The following TMEM108 variants were observed in gnomAD, a reference collection of about 807,000 sequenced individuals.
TMEM108 encodes cancer/testis antigen 124.
TMEM108 carries 12 observed loss-of-function variants against 35.1 expected under a neutral mutation model. The observed-to-expected ratio is 0.34, with a 90% CI of 0.22 to 0.55. The LOEUF (loss-of-function observed/expected upper bound fraction) is 0.55, where lower values mean the gene tolerates loss of function less well. TMEM108 is among the 20% of genes least tolerant of loss of function. The pLI is 0.89. For synonymous variants in TMEM108, 287 were observed against 308.6 expected (o/e 0.93, Z 0.73); for missense variants, 680 against 753.3 (o/e 0.90, Z 1.14).
intron 2 of TMEM108, among the ~76,000 whole-genome samples, chr3:133,163,586 G>A (rs903500528): frequency 2.0e-5 from 3 of 152,142 alleles, no homozygotes; most frequent in African/African-American, 7.2e-5. Flanking sequence ...ACTGTGCCTT[G>A]GAGACAGTTA....
At chr3:133,382,929 G>A (rs1345800262) in intron 4 of TMEM108, among the ~76,000 whole-genome samples, 1 of 152,036 alleles carries the variant, frequency 6.6e-6, no homozygotes, top group Non-Finnish European at 1.5e-5. Context: ...TCTGCTGAAG[G>A]ACCCAATTCA....
At chr3:133,169,003 C>T (rs1559854703) in intron 2 of TMEM108, among the ~76,000 whole-genome samples, 1 of 152,134 alleles carries the variant, frequency 6.6e-6, no homozygotes, top group African/African-American at 2.4e-5. Context: ...TGGACACATC[C>T]GAACATCAGA....
intron 3 of TMEM108, among the ~76,000 whole-genome samples, chr3:133,372,323 G>A (rs1281260144): frequency 6.6e-6 from 1 of 152,148 alleles, no homozygotes; most frequent in African/African-American, 2.4e-5. Context: ...CTACATGGTG[G>A]TCATTTTGAC....
Position 133,266,181 on chromosome 3 carries a change from G to A in TMEM108, c.40+36830G>A, listed in dbSNP as rs557068594. Among the ~76,000 whole-genome samples, 24 of 151,552 alleles carry A rather than the reference G, an allele frequency of 1.6e-4. No homozygotes were observed. In the South Asian group the frequency reaches 5.0e-3, roughly 31 times the overall value. ...ACCCAGCCTTATCATCACTTGTGGG[G>A]GTTGCTGTTAGGTTTTTTTTGTTGC... On this transcript the variant is annotated intron_variant, in intron 3 of 5. Coordinates refer to ENST00000321871, the MANE Select transcript of TMEM108 (RefSeq NM_023943.4).
intron 3 of TMEM108, among the ~76,000 whole-genome samples, chr3:133,276,703 G>C (rs1049471867): frequency 6.6e-6 from 1 of 152,106 alleles, no homozygotes; most frequent in Non-Finnish European, 1.5e-5. Context: ...TTTGTTGAGA[G>C]CATAACTCTT....
intron 3 of TMEM108, among the ~76,000 whole-genome samples, chr3:133,357,433 A>G (rs2072206505): frequency 6.6e-6 from 1 of 152,198 alleles, no homozygotes; most frequent in Admixed American, 6.5e-5. Flanking sequence ...CTGGGTATCT[A>G]CCAAAGAATA....
chr3:133,356,128 C>T (rs1176378691), intron 3 of TMEM108, among the ~76,000 whole-genome samples: 1 of 151,938 alleles, frequency 6.6e-6, no homozygotes, highest in Non-Finnish European at 1.5e-5. Context: ...AGCAGAGTCT[C>T]AAGTTACAAA....
intron 2 of TMEM108, among the ~76,000 whole-genome samples, chr3:133,214,045 T>G (rs962029495): frequency 6.6e-6 from 1 of 152,134 alleles, no homozygotes; most frequent in South Asian, 2.1e-4. Context: ...CAGAGACAAC[T>G]CTCTCAAATT....
At chr3:133,047,591 C>T (rs1943355514) in intron 2 of TMEM108, among the ~76,000 whole-genome samples, 1 of 152,042 alleles carries the variant, frequency 6.6e-6, no homozygotes, top group Admixed American at 6.6e-5. Flanking sequence ...TCTTTGACCT[C>T]CACCCACGAA....
chr3:133,057,431 GTGTGTATA>G (rs1160488109), intron 2 of TMEM108, among the ~76,000 whole-genome samples: 18 of 42,408 alleles, frequency 4.2e-4, no homozygotes, highest in African/African-American at 1.5e-3. Context: ...TTGTGTGTGT[GTGTGTATA>G]TATATATATA....
At chr3:133,111,152 T>A (rs1944219466) in intron 2 of TMEM108, among the ~76,000 whole-genome samples, 1 of 152,166 alleles carries the variant, frequency 6.6e-6, no homozygotes, top group South Asian at 2.1e-4. Flanking sequence ...TAGTCTGAAT[T>A]TTTGAATGTA....
At chr3:133,281,513 C>G (rs1026864595) in intron 3 of TMEM108, among the ~76,000 whole-genome samples, 1 of 152,126 alleles carries the variant, frequency 6.6e-6, no homozygotes, top group East Asian at 1.9e-4. Context: ...GCATTGTAAC[C>G]AAGGACAGCG....
At position 133,380,975 on chromosome 3, in the gene TMEM108, G is replaced by A. The variant is rs2072995960; in HGVS notation, c.1264G>A (p.Val422Ile). 3 of 1,614,196 alleles carry A rather than the reference G, an allele frequency of 1.9e-6. No homozygotes were observed. Among genetic ancestry groups the A allele is most frequent in the South Asian group, 1.1e-5 (1 of 91,080 alleles). ...DRVPSPLSTV[V>I]STATGNFLNR... ...GGTGCCCAGTCCTCTCTCCACAGTG[G>A]TATCCACAGCCACAGGCAATTTCCT... is the stretch of plus-strand genomic sequence containing the variant. Residue 422 changes from valine to isoleucine, a missense_variant, in exon 4 of 6, where the codon GTA (valine) becomes ATA (isoleucine). Coordinates refer to ENST00000321871, the MANE Select transcript of TMEM108 (RefSeq NM_023943.4). The surrounding 1 kb of genome is among the most constrained non-coding windows in gnomAD (Gnocchi z 5.3).
chr3:133,349,286 G>C (rs868517310), intron 3 of TMEM108, among the ~76,000 whole-genome samples: 1 of 152,046 alleles, frequency 6.6e-6, no homozygotes, highest in East Asian at 1.9e-4. Flanking sequence ...TTGAATGCTG[G>C]TTTAATGTGG....
chr3:133,259,728 T>A (rs1946598502), intron 3 of TMEM108, among the ~76,000 whole-genome samples: 1 of 152,106 alleles, frequency 6.6e-6, no homozygotes, highest in Non-Finnish European at 1.5e-5. Flanking sequence ...TGGCCACTAG[T>A]GATGATATCT....
At chr3:133,387,769 G>C in intron 4 of TMEM108, 1 of 905,266 alleles carries the variant, frequency 1.1e-6, no homozygotes, top group African/African-American at 1.8e-5. Flanking sequence ...GACGCTGAGA[G>C]AGGTTAAGTA....
At chr3:133,062,191 G>A (rs1943545258) in intron 2 of TMEM108, among the ~76,000 whole-genome samples, 1 of 152,144 alleles carries the variant, frequency 6.6e-6, no homozygotes, top group African/African-American at 2.4e-5. Flanking sequence ...CTTTTCTGAT[G>A]TTCCTTTAGC....
chr3:133,361,995 C>T (rs921242394), intron 3 of TMEM108, among the ~76,000 whole-genome samples: 2 of 152,200 alleles, frequency 1.3e-5, no homozygotes, highest in Non-Finnish European at 2.9e-5. Context: ...TGTATTTGAC[C>T]ATTCCTATCA....
At chr3:133,199,575 A>G (rs1277162150) in intron 2 of TMEM108, among the ~76,000 whole-genome samples, 3 of 152,200 alleles carry the variant, frequency 2.0e-5, no homozygotes, top group South Asian at 2.1e-4. Flanking sequence ...TTGCCTGGGT[A>G]TCACCAGCGG....
Sources: gnomAD v4.1 joint callset for allele counts (sites outside exome capture counted in the v4.1 genomes callset) on GRCh38, gnomAD v4.1.1 for gene constraint, Gnocchi (gnomAD v3.1) non-coding constraint, MANE v1.5 for transcripts, NCBI Gene and HGNC (gene_info 2026-07-23, HGNC 2026-07-21) for gene names.